Variants in RGS7 observed in about 807,000 individuals in gnomAD.
RGS7 encodes regulator of G protein signaling 7, also known as regulator of G-protein signaling 7.
A neutral mutation model predicts 81.1 loss-of-function variants in RGS7; 27 were observed. The observed-to-expected ratio is 0.33, with a 90% confidence interval of 0.25 to 0.46. The LOEUF is 0.46. Ranked by LOEUF, RGS7 falls within the 20% of genes least tolerant of loss-of-function variation. RGS7 has a pLI of 1.00. For missense variants in RGS7, 396 were observed against 607.4 expected, an observed-to-expected ratio of 0.65 and a Z score of 3.66; for synonymous variants, 208 against 207.7, an observed-to-expected ratio of 1.00 and a Z score of -0.01.
intron 2 of RGS7, among the ~76,000 whole-genome samples, chr1:241,286,264 G>A (rs1255577254): frequency 6.6e-6 from 1 of 152,176 alleles, no homozygotes; most frequent in Non-Finnish European, 1.5e-5. Flanking sequence ...CTGGTGATAA[G>A]AGAACTAAGT....
At position 240,993,093 on chromosome 1, in the gene RGS7, A is replaced by AGGAGGGAGGGAGGGAGGGAG. The variant is rs1259145123; in HGVS notation, c.176-9984_176-9965dup. 2.3e-5 allele frequency among the ~76,000 whole-genome samples: 2 copies of AGGAGGGAGGGAGGGAGGGAG among 85,502 alleles called. 1 individual carries two copies. The highest frequency in any genetic ancestry group is 1.0e-4 in the African/African-American group (2 of 19,972). The allele number at this position is 85,502 out of a possible 152,430, so 56.1% of individuals were successfully genotyped here. A position where few individuals can be genotyped will look rare whatever the true frequency, so the allele number is the denominator to read the frequency against. On this transcript the variant is annotated intron_variant, in intron 3 of 18. Coordinates refer to ENST00000440928, the MANE Select transcript of RGS7 (RefSeq NM_001364886.1). ...GGAAAGAAACAGAAGGAAGGAAGGA[A>AGGAGGGAGGGAGGGAGGGAG]GGAGGGAGGGAGGGAGGGAGGGAAG...
At chr1:241,097,480 A>G (rs944923513) in intron 3 of RGS7, among the ~76,000 whole-genome samples, 2 of 151,974 alleles carry the variant, frequency 1.3e-5, no homozygotes, top group South Asian at 4.2e-4. Flanking sequence ...TCCTGTCCTG[A>G]TCTCTACCCT....
At chr1:241,325,209 A>G (rs1282908367) in intron 2 of RGS7, among the ~76,000 whole-genome samples, 1 of 152,178 alleles carries the variant, frequency 6.6e-6, no homozygotes, top group Non-Finnish European at 1.5e-5. Flanking sequence ...CAAGGTGAAA[A>G]ACTTTCCTAA....
At chr1:240,800,389 G>GT (rs1687834333) in intron 18 of RGS7, among the ~76,000 whole-genome samples, 1 of 152,064 alleles carries the variant, frequency 6.6e-6, no homozygotes, top group Non-Finnish European at 1.5e-5. Context: ...AATACTCTGT[G>GT]TACCGTTGCA....
chr1:241,210,541 T>C (rs944749674), intron 2 of RGS7, among the ~76,000 whole-genome samples: 2 of 151,758 alleles, frequency 1.3e-5, no homozygotes, highest in Non-Finnish European at 2.9e-5. Context: ...AACATGAGAG[T>C]TTGAGTGAGG....
chr1:241,168,532 T>G (rs746174251), intron 2 of RGS7, among the ~76,000 whole-genome samples: 1 of 152,168 alleles, frequency 6.6e-6, no homozygotes, highest in Non-Finnish European at 1.5e-5. Flanking sequence ...TGTGGCCTGC[T>G]TTCAACAAGA....
intron 2 of RGS7, among the ~76,000 whole-genome samples, chr1:241,178,907 T>C (rs764062476): frequency 5.3e-5 from 8 of 152,238 alleles, no homozygotes; most frequent in Non-Finnish European, 8.8e-5. Context: ...CAAACTGTGC[T>C]ATATACTTTC....
intron 2 of RGS7, among the ~76,000 whole-genome samples, chr1:241,198,876 T>C (rs2073276515): frequency 6.6e-6 from 1 of 152,138 alleles, no homozygotes; most frequent in Non-Finnish European, 1.5e-5. Flanking sequence ...ACAAGGACTT[T>C]ACAAGAAAAA....
intron 2 of RGS7, among the ~76,000 whole-genome samples, chr1:241,129,786 T>TTAC (rs1336160883): frequency 1.3e-5 from 2 of 152,104 alleles, no homozygotes; most frequent in Non-Finnish European, 2.9e-5. Context: ...CTTCCAGGTG[T>TTAC]TACTGATGCT....
At chr1:241,127,166 C>G (rs1362587576) in intron 2 of RGS7, among the ~76,000 whole-genome samples, 1 of 152,096 alleles carries the variant, frequency 6.6e-6, no homozygotes, top group African/African-American at 2.4e-5. Context: ...AAAGCCTTAC[C>G]TGAGGAGGTA....
intron 2 of RGS7, among the ~76,000 whole-genome samples, chr1:241,307,099 T>G (rs980562106): frequency 2.4e-4 from 36 of 152,212 alleles, no homozygotes; most frequent in Non-Finnish European, 4.4e-5. Flanking sequence ...TTTAGATATT[T>G]TTCCAGCTTT....
At chr1:240,997,984 G>A (rs530948597) in intron 3 of RGS7, among the ~76,000 whole-genome samples, 3 of 152,078 alleles carry the variant, frequency 2.0e-5, no homozygotes, top group Non-Finnish European at 4.4e-5. Flanking sequence ...GTTAGAGTTC[G>A]TCAGCTGGTG....
intron 4 of RGS7, among the ~76,000 whole-genome samples, chr1:240,955,984 T>C (rs1029386933): frequency 6.6e-6 from 1 of 152,194 alleles, no homozygotes; most frequent in African/African-American, 2.4e-5. Context: ...TTGTCAGGTA[T>C]AGCACTAAAA....
intron 18 of RGS7, among the ~76,000 whole-genome samples, chr1:240,780,340 G>A (rs987841884): frequency 6.7e-6 from 1 of 150,028 alleles, no homozygotes; most frequent in Non-Finnish European, 1.5e-5. Flanking sequence ...CCAGCTACTC[G>A]GGAGGTGGGA....
intron 3 of RGS7, among the ~76,000 whole-genome samples, chr1:241,076,411 A>G (rs894657255): frequency 1.3e-5 from 2 of 152,150 alleles, no homozygotes; most frequent in Non-Finnish European, 2.9e-5. Context: ...TTGCTCTCAC[A>G]TTTGGAATTT....
chr1:241,011,256 C>T (rs1477702192), intron 3 of RGS7, among the ~76,000 whole-genome samples: 1 of 152,156 alleles, frequency 6.6e-6, no homozygotes, highest in African/African-American at 2.4e-5. Flanking sequence ...GCATATTCTT[C>T]CAGGATGGGC....
chr1:241,172,944 C>G (rs969700443), intron 2 of RGS7, among the ~76,000 whole-genome samples: 1 of 152,056 alleles, frequency 6.6e-6, no homozygotes, highest in Non-Finnish European at 1.5e-5. Flanking sequence ...ATTTTTGCAA[C>G]AAGAGAAAGC....
intron 3 of RGS7, among the ~76,000 whole-genome samples, chr1:241,025,708 T>A (rs1217180357): frequency 1.3e-5 from 2 of 148,512 alleles, no homozygotes; most frequent in East Asian, 1.9e-4. Context: ...TTTTTTTTTT[T>A]AATGAAGGAT....
In RGS7 at chr1:240,997,424, C is replaced by T. The variant is rs75624074; in HGVS notation, c.176-14295G>A. On this transcript the variant is annotated intron_variant, in intron 3 of 18. Transcript: ENST00000440928. ...ATGGAACCCTATGTCTCTTCATGTTCCTTTACTCTCCCCAATTTTTAATGT... is the reference window on the plus strand; with the variant it reads ...ATGGAACCCTATGTCTCTTCATGTTTCTTTACTCTCCCCAATTTTTAATGT... 5.3e-3 allele frequency among the ~76,000 whole-genome samples: 810 copies of T among 152,246 alleles called. 10 individuals carry two copies. The highest frequency in any genetic ancestry group is 0.019 in the African/African-American group (777 of 41,542).
Sources: allele counts gnomAD v4.1 joint callset (sites outside exome capture counted in the v4.1 genomes callset), GRCh38; gene constraint gnomAD v4.1.1; transcripts MANE v1.5; gene names NCBI Gene and HGNC (gene_info 2026-07-23, HGNC 2026-07-21).